GNAS-AS1: variants seen among roughly 807,000 people sequenced by gnomAD.
GNAS-AS1 encodes the protein GNAS antisense RNA 1.
intron 1 of GNAS-AS1, among the ~76,000 whole-genome samples, chr20:58,849,084 C>T (rs1312663252): frequency 6.6e-6 from 1 of 152,074 alleles, no homozygotes; most frequent in Non-Finnish European, 1.5e-5. Flanking sequence ...AGATTTTGCC[C>T]CCCAGAGGAC....
chr20:58,825,199 C>T (rs1185862689), intron 4 of GNAS-AS1, among the ~76,000 whole-genome samples: 2 of 152,216 alleles, frequency 1.3e-5, no homozygotes, highest in African/African-American at 4.8e-5. Flanking sequence ...AACAGGCTTC[C>T]GCTGGTTGGA....
At chr20:58,837,198 T>C (rs1318618872) in intron 4 of GNAS-AS1, among the ~76,000 whole-genome samples, 5 of 152,166 alleles carry the variant, frequency 3.3e-5, no homozygotes, top group African/African-American at 1.2e-4. Context: ...TGAAATCAGC[T>C]TGAATAATAT....
chr20:58,831,708 C>T (rs571467267), intron 4 of GNAS-AS1, among the ~76,000 whole-genome samples: 1 of 152,234 alleles, frequency 6.6e-6, no homozygotes, highest in South Asian at 2.1e-4. Flanking sequence ...TTTATTCATT[C>T]ATTCATTCAT....
intron 4 of GNAS-AS1, among the ~76,000 whole-genome samples, chr20:58,823,421 G>A (rs777009673): frequency 2.6e-5 from 4 of 152,234 alleles, no homozygotes; most frequent in Non-Finnish European, 5.9e-5. Context: ...AGGCTGGCAG[G>A]GGCTTGGGGG....
rs1281467643 is a variant in GNAS-AS1, at chr20:58,840,017, ACCTTT to A, written n.819+1915_819+1919del. ...GCCAGCTTCTCACCTCATAGGGTGT[ACCTTT>A]CCCGGCTCCAGCAGCCAATGTGCTT... On this transcript the variant is annotated intron_variant and non_coding_transcript_variant, in intron 4 of 4. Coordinates refer to ENST00000424094, the Ensembl canonical transcript of GNAS-AS1. The surrounding 1 kb of genome is among the most constrained non-coding windows in gnomAD (Gnocchi z 6.0). 17 of 1,464,030 alleles carry A rather than the reference ACCTTT, an allele frequency of 1.2e-5. No individual in the cohort carries two copies. The highest frequency in any genetic ancestry group is 1.5e-5 in the Non-Finnish European group (16 of 1,058,732). The allele number at this position is 1,464,030 out of a possible 1,614,324, so 90.7% of individuals were successfully genotyped here.
At chr20:58,830,606 TCACCACCA>T (rs2085561559) in intron 4 of GNAS-AS1, among the ~76,000 whole-genome samples, 1 of 61,006 alleles carries the variant, frequency 1.6e-5, no homozygotes, top group African/African-American at 7.0e-5. Context: ...ACCACCACCA[TCACCACCA>T]CACCACCATC....
At chr20:58,839,554 G>GC (rs2085646608) in intron 4 of GNAS-AS1, 1 of 402,694 alleles carries the variant, frequency 2.5e-6, no homozygotes, top group Non-Finnish European at 4.4e-6. Context: ...CAGGCCCCCC[G>GC]CCCATCGCTT....
intron 4 of GNAS-AS1, chr20:58,839,187 G>A (rs2085641971): frequency 2.5e-6 from 1 of 398,444 alleles, no homozygotes; most frequent in Admixed American, 4.4e-5. Flanking sequence ...TGAAGAAGAT[G>A]AGGTAATTAG....
chr20:58,837,096 A>C (rs1162329995), intron 4 of GNAS-AS1, among the ~76,000 whole-genome samples: 1 of 152,216 alleles, frequency 6.6e-6, no homozygotes, highest in Non-Finnish European at 1.5e-5. Context: ...AAAGAATCAT[A>C]ATCTACCTCG....
At chr20:58,832,003 TGAGG>T (rs2085571583) in intron 4 of GNAS-AS1, among the ~76,000 whole-genome samples, 2 of 152,206 alleles carry the variant, frequency 1.3e-5, no homozygotes, top group African/African-American at 4.8e-5. Context: ...CTTTCCCTGA[TGAGG>T]TAGTCTCTTC....
At position 58,840,638 on chromosome 20, in the gene GNAS-AS1, G is replaced by A. The variant is rs1338833333; in HGVS notation, n.819+1299C>T. On this transcript the variant is annotated intron_variant and non_coding_transcript_variant, in intron 4 of 4. Coordinates refer to ENST00000424094, the Ensembl canonical transcript of GNAS-AS1. This position sits in a 1 kb window ranked among gnomAD's most constrained non-coding sequence, Gnocchi z 6.0. Reference sequence around the variant, plus strand: ...AAGCCCCGACGCCTCCCCAAGTCGCGCGCCGCCCAGCACTCAGGAGCCCCA... The same window carrying A: ...AAGCCCCGACGCCTCCCCAAGTCGCACGCCGCCCAGCACTCAGGAGCCCCA... 1.9e-6 allele frequency: 3 copies of A among 1,605,852 alleles called. No individual in the cohort carries two copies. The highest frequency in any genetic ancestry group is 1.1e-5 in the South Asian group (1 of 91,044).
intron 4 of GNAS-AS1, among the ~76,000 whole-genome samples, chr20:58,830,499 C>CCA (rs1568900470): frequency 8.3e-6 from 1 of 120,214 alleles, no homozygotes; most frequent in Non-Finnish European, 1.8e-5. Context: ...ACCATCACCA[C>CCA]CACACCACCA....
At chr20:58,826,395 A>G in intron 4 of GNAS-AS1, among the ~76,000 whole-genome samples, 1 of 152,134 alleles carries the variant, frequency 6.6e-6, no homozygotes, top group East Asian at 1.9e-4. Flanking sequence ...TCCCAGGTGG[A>G]TGACAAATGT....
At chr20:58,850,204 C>T (rs2086102253) in intron 1 of GNAS-AS1, among the ~76,000 whole-genome samples, 1 of 152,188 alleles carries the variant, frequency 6.6e-6, no homozygotes. Context: ...TTTTCTCCAG[C>T]AAGACTTTCA....
intron 4 of GNAS-AS1, among the ~76,000 whole-genome samples, chr20:58,825,521 T>A (rs189531575): frequency 6.6e-6 from 1 of 152,310 alleles, no homozygotes; most frequent in African/African-American, 2.4e-5. Context: ...AATCTTTCAA[T>A]AGCAGTTGTA....
intron 4 of GNAS-AS1, among the ~76,000 whole-genome samples, chr20:58,825,542 T>C (rs1305740104): frequency 6.6e-6 from 1 of 152,156 alleles, no homozygotes; most frequent in East Asian, 1.9e-4. Flanking sequence ...TAATTTTCCT[T>C]TAAAAACCAA....
At chr20:58,845,591 G>T (rs2085913379) in intron 2 of GNAS-AS1, among the ~76,000 whole-genome samples, 1 of 151,822 alleles carries the variant, frequency 6.6e-6, no homozygotes, top group Non-Finnish European at 1.5e-5. Flanking sequence ...ACCCATTTTT[G>T]TTTTATAATT....
intron 4 of GNAS-AS1, chr20:58,834,008 A>G (rs552110312): frequency 6.6e-6 from 1 of 152,290 alleles, no homozygotes; most frequent in African/African-American, 2.4e-5. Context: ...AAATTGGTCT[A>G]ATCATATTTT....
At chr20:58,833,421 T>C (rs1025676952) in intron 4 of GNAS-AS1, among the ~76,000 whole-genome samples, 2 of 152,166 alleles carry the variant, frequency 1.3e-5, no homozygotes, top group Non-Finnish European at 2.9e-5. Context: ...ATTTCTGACG[T>C]TGAGAGGCCC....
Sources: allele counts gnomAD v4.1 joint callset (sites outside exome capture counted in the v4.1 genomes callset), GRCh38; gene constraint gnomAD v4.1.1; non-coding constraint Gnocchi (gnomAD v3.1); transcripts MANE v1.5; gene names NCBI Gene and HGNC (gene_info 2026-07-23, HGNC 2026-07-21).